Variants in PPP6R3 observed in about 807,000 individuals in gnomAD.
The protein encoded by PPP6R3 is serine/threonine-protein phosphatase 6 regulatory subunit 3.
PPP6R3 carries 38 observed loss-of-function variants against 110.7 expected under a neutral mutation model. The observed-to-expected ratio is 0.34, with a 90% CI of 0.26 to 0.45. PPP6R3 has a LOEUF of 0.45. Ranked by LOEUF, PPP6R3 falls within the 20% of genes least tolerant of loss-of-function variation. The pLI, the probability that PPP6R3 is intolerant of heterozygous loss-of-function variation, is 1.00. For synonymous variants in PPP6R3, 369 were observed against 373.5 expected (o/e 0.99, Z 0.14); for missense variants, 870 against 1,062.4 (o/e 0.82, Z 2.52).
Position 68,475,389 on chromosome 11 carries a change from C to T in PPP6R3, c.-158+14562C>T, listed in dbSNP as rs554801313. Among the ~76,000 whole-genome samples, 1,157 of 152,308 alleles carry T rather than the reference C, an allele frequency of 7.6e-3. 5 individuals are homozygous for T. The highest frequency in any genetic ancestry group is 0.012 in the Non-Finnish European group (839 of 68,008). On this transcript the variant is annotated intron_variant, in intron 1 of 23. Coordinates refer to ENST00000393800, the MANE Select transcript of PPP6R3 (RefSeq NM_001164161.2). ...TTCCCCCTTTTCTATTCCACAAAAC[C>T]GCCATCGTCATCATGGCCCATTCTC... is the stretch of plus-strand genomic sequence containing the variant.
chr11:68,506,009 T>G (rs2099074142), intron 1 of PPP6R3, among the ~76,000 whole-genome samples: 1 of 152,032 alleles, frequency 6.6e-6, no homozygotes, highest in African/African-American at 2.4e-5. Flanking sequence ...TTCTTTATTT[T>G]TGGACACTGA....
At position 68,613,318 on chromosome 11, in the gene PPP6R3, C is replaced by T. The variant is rs1403843616; in HGVS notation, c.*201C>T. ...TAAAAATATTGCACATTGACAAATA[C>T]CAAGAATTTTTGCGTATGTTTATAT... On this transcript the variant is annotated 3_prime_UTR_variant, in exon 24 of 24. Transcript: ENST00000393800. 1.5e-6 allele frequency: 2 copies of T among 1,332,966 alleles called. No homozygotes were observed. The highest frequency in any genetic ancestry group is 2.9e-5 in the East Asian group (1 of 34,040). 82.6% of individuals were successfully genotyped at this position (1,332,966 alleles called of 1,614,324 possible). A position where few individuals can be genotyped will look rare whatever the true frequency, so the allele number is the denominator to read the frequency against.
At chr11:68,477,741 A>AAAAAAT in intron 1 of PPP6R3, among the ~76,000 whole-genome samples, 58 of 57,906 alleles carry the variant, frequency 1.0e-3, no homozygotes, top group East Asian at 2.6e-3. Flanking sequence ...AAAAAAAAAA[A>AAAAAAT]ATATATATAT....
chr11:68,538,174 T>C (rs2099280187), intron 3 of PPP6R3, among the ~76,000 whole-genome samples: 2 of 152,234 alleles, frequency 1.3e-5, no homozygotes, highest in African/African-American at 4.8e-5. Context: ...GTAAGATGAT[T>C]AAAATATTTA....
intron 1 of PPP6R3, among the ~76,000 whole-genome samples, chr11:68,514,823 G>C (rs1351507902): frequency 6.6e-6 from 1 of 152,062 alleles, no homozygotes; most frequent in African/African-American, 2.4e-5. Flanking sequence ...GACCTCAGGC[G>C]ATCCACCTGC....
chr11:68,605,599 A>G (rs959647981), intron 22 of PPP6R3, among the ~76,000 whole-genome samples: 5 of 152,250 alleles, frequency 3.3e-5, no homozygotes, highest in Non-Finnish European at 7.3e-5. Flanking sequence ...TTTTTTAACC[A>G]TAAAAAGCCA....
At chr11:68,491,480 A>G (rs2098983955) in intron 1 of PPP6R3, among the ~76,000 whole-genome samples, 2 of 151,822 alleles carry the variant, frequency 1.3e-5, no homozygotes, top group Non-Finnish European at 2.9e-5. Context: ...AGTAGCTAGG[A>G]CTACAGTCAG....
At chr11:68,578,037 T>C (rs2099538701) in intron 14 of PPP6R3, among the ~76,000 whole-genome samples, 1 of 152,220 alleles carries the variant, frequency 6.6e-6, no homozygotes, top group Non-Finnish European at 1.5e-5. Flanking sequence ...CCCGAGCCCT[T>C]TCTTAAATAC....
At chr11:68,548,269 G>A (rs902948236) in intron 5 of PPP6R3, 65 bp downstream of exon 5, 1 of 1,583,974 alleles carries the variant, frequency 6.3e-7, no homozygotes, top group East Asian at 2.3e-5. Context: ...CCACCAGGCT[G>A]CTGTGTGCTG....
At chr11:68,470,676 A>G (rs900412636) in intron 1 of PPP6R3, among the ~76,000 whole-genome samples, 2 of 152,110 alleles carry the variant, frequency 1.3e-5, no homozygotes, top group Admixed American at 6.6e-5. Flanking sequence ...GCTGGGACTG[A>G]AGGGGAGCAG....
intron 16 of PPP6R3, among the ~76,000 whole-genome samples, chr11:68,588,816 CT>C (rs1252131497): frequency 6.6e-6 from 1 of 151,626 alleles, no homozygotes; most frequent in Non-Finnish European, 1.5e-5. Flanking sequence ...GGTTTGACCT[CT>C]TTCACAGAAG....
intron 19 of PPP6R3, among the ~76,000 whole-genome samples, chr11:68,597,303 G>A (rs1241485846): frequency 6.6e-6 from 1 of 152,186 alleles, no homozygotes; most frequent in Admixed American, 6.5e-5. Flanking sequence ...ATTTGCCCGT[G>A]CGAGAGAGAA....
chr11:68,568,519 C>T lies in PPP6R3; in HGVS notation c.1129-1229C>T, dbSNP rs375433662. Among the ~76,000 whole-genome samples, 27 of 152,184 alleles carry T rather than the reference C, an allele frequency of 1.8e-4. No homozygotes were observed. The East Asian group carries it at 3.1e-3, about 17-fold the overall frequency. ...TTTTGTACTTTTAGAAATTCTTTCC[C>T]TTTTGTAATGCTATTACCTTTTCAA... On this transcript the variant is annotated intron_variant, in intron 10 of 23. Transcript: ENST00000393800.
intron 2 of PPP6R3, among the ~76,000 whole-genome samples, chr11:68,527,006 T>G (rs910639128): frequency 1.3e-5 from 2 of 152,226 alleles, no homozygotes; most frequent in Non-Finnish European, 2.9e-5. Context: ...TGTTAGCATC[T>G]TAGCAGTGTA....
intron 12 of PPP6R3, among the ~76,000 whole-genome samples, chr11:68,571,795 A>G (rs1345654668): frequency 3.3e-5 from 5 of 152,102 alleles, no homozygotes; most frequent in African/African-American, 9.7e-5. Flanking sequence ...ATTGAGATAT[A>G]ATTCTCATAT....
intron 1 of PPP6R3, among the ~76,000 whole-genome samples, chr11:68,468,259 G>C (rs1275816716): frequency 6.6e-6 from 1 of 152,166 alleles, no homozygotes; most frequent in East Asian, 1.9e-4. Context: ...TTAACGTCTG[G>C]AATTTTATTT....
At chr11:68,475,304 T>C (rs1439401903) in intron 1 of PPP6R3, among the ~76,000 whole-genome samples, 2 of 152,186 alleles carry the variant, frequency 1.3e-5, no homozygotes, top group African/African-American at 2.4e-5. Context: ...AAGTCTCCCA[T>C]GTCTACTTCT....
At chr11:68,546,670 A>G (rs1416813804) in intron 4 of PPP6R3, among the ~76,000 whole-genome samples, 1 of 152,222 alleles carries the variant, frequency 6.6e-6, no homozygotes, top group Non-Finnish European at 1.5e-5. Context: ...TTGAGACTCA[A>G]CTGGCTTAAC....
chr11:68,487,892 T>C (rs2098958390), intron 1 of PPP6R3, among the ~76,000 whole-genome samples: 1 of 152,222 alleles, frequency 6.6e-6, no homozygotes, highest in Non-Finnish European at 1.5e-5. Context: ...TTGATGGTGC[T>C]ATTGAGTTCC....
Sources: allele counts gnomAD v4.1 joint callset (sites outside exome capture counted in the v4.1 genomes callset), GRCh38; gene constraint gnomAD v4.1.1; transcripts MANE v1.5; gene names NCBI Gene and HGNC (gene_info 2026-07-23, HGNC 2026-07-21).